SCFD2: variants seen among roughly 807,000 people sequenced by gnomAD.
SCFD2 encodes sec1 family domain containing 2, also known as sec1 family domain-containing protein 2.
A neutral mutation model predicts 58.9 loss-of-function variants in SCFD2; 54 were observed. The observed-to-expected ratio is 0.92, with a 90% confidence interval of 0.74 to 1.15. The LOEUF is 1.15. Ranked by LOEUF, SCFD2 falls within the 50% of genes most tolerant of loss-of-function variation. The pLI, the probability that SCFD2 is intolerant of heterozygous loss-of-function variation, is 0.00. For synonymous variants in SCFD2, 321 were observed against 335.9 expected (o/e 0.96, Z 0.49); for missense variants, 805 against 836.6 (o/e 0.96, Z 0.47).
At chr4:53,349,879 C>T (rs1415087458) in intron 2 of SCFD2, among the ~76,000 whole-genome samples, 2 of 152,084 alleles carry the variant, frequency 1.3e-5, no homozygotes, top group Non-Finnish European at 2.9e-5. Context: ...GTGGAAGTGG[C>T]ACAGGGTAAT....
intron 5 of SCFD2, among the ~76,000 whole-genome samples, chr4:53,069,932 A>G (rs141956119): frequency 4.6e-5 from 7 of 152,180 alleles, no homozygotes; most frequent in African/African-American, 1.7e-4. Flanking sequence ...ATATTTTTAT[A>G]GCTTCATAAT....
intron 5 of SCFD2, among the ~76,000 whole-genome samples, chr4:53,116,066 G>A (rs189929976): frequency 2.0e-5 from 3 of 152,222 alleles, no homozygotes; most frequent in Admixed American, 2.0e-4. Context: ...CACAGGATTC[G>A]TTCAGAAATT....
At chr4:53,263,371 G>C (rs1444463025) in intron 4 of SCFD2, among the ~76,000 whole-genome samples, 1 of 152,060 alleles carries the variant, frequency 6.6e-6, no homozygotes, top group East Asian at 1.9e-4. Context: ...TTCTCATTTA[G>C]GTAAACTATG....
At chr4:53,261,107 G>A (rs9999144) in intron 4 of SCFD2, among the ~76,000 whole-genome samples, 30,504 of 151,926 alleles carry the variant, frequency 0.2, 3,322 homozygotes, top group Non-Finnish European at 0.26. Context: ...TATTTGGATC[G>A]TCTTTCTTCT....
At position 53,227,734 on chromosome 4, in the gene SCFD2, C is replaced by T. The variant is rs150754694; in HGVS notation, c.1311+46092G>A. ...AAATACTGGAGGGGAGTGCTCCAAACGAAATTCCAGGGTATATATTTATTC... is the reference window on the plus strand; with the variant it reads ...AAATACTGGAGGGGAGTGCTCCAAATGAAATTCCAGGGTATATATTTATTC... On this transcript the variant is annotated intron_variant, in intron 4 of 8. Transcript: ENST00000401642. Among the ~76,000 whole-genome samples, 444 of 151,962 alleles carry T rather than the reference C, an allele frequency of 2.9e-3. 1 individual carries two copies. The highest frequency in any genetic ancestry group is 0.01 in the African/African-American group (417 of 41,442).
rs1454785261 is a variant in SCFD2 at position 53,255,873 on chromosome 4, G to A, written c.1311+17953C>T. 3.2e-3 allele frequency among the ~76,000 whole-genome samples: 459 copies of A among 145,502 alleles called. 2 individuals carry two copies. Among genetic ancestry groups the A allele is most frequent in the Non-Finnish European group, 5.5e-3 (362 of 65,524 alleles). ...CCCCCACCTCCATCCCGGACGGGGC[G>A]GCTGGCCGGGCAGAGGGGCTCCTCA... On this transcript the variant is annotated intron_variant, in intron 4 of 8. Transcript: ENST00000401642.
intron 4 of SCFD2, among the ~76,000 whole-genome samples, chr4:53,198,038 T>G (rs1020185932): frequency 1.3e-5 from 2 of 152,050 alleles, no homozygotes; most frequent in Admixed American, 6.6e-5. Context: ...TTCTGGGAGT[T>G]TGCGGACAGG....
At chr4:53,146,935 G>T (rs1174910759) in intron 4 of SCFD2, among the ~76,000 whole-genome samples, 9 of 152,164 alleles carry the variant, frequency 5.9e-5, no homozygotes, top group African/African-American at 2.2e-4. Flanking sequence ...GAATCTACTG[G>T]CAGTCTTGTG....
intron 4 of SCFD2, among the ~76,000 whole-genome samples, chr4:53,216,001 G>C (rs1263002840): frequency 4.6e-5 from 7 of 152,190 alleles, no homozygotes; most frequent in Non-Finnish European, 1.0e-4. Flanking sequence ...AAGCCCACTT[G>C]ATCATGGTGG....
intron 5 of SCFD2, among the ~76,000 whole-genome samples, chr4:53,051,901 T>C (rs1356009861): frequency 6.6e-6 from 1 of 152,112 alleles, no homozygotes; most frequent in Non-Finnish European, 1.5e-5. Flanking sequence ...GATCTGAACA[T>C]ATTAAAAAAT....
At chr4:53,252,099 C>A (rs1366654493) in intron 4 of SCFD2, among the ~76,000 whole-genome samples, 2 of 149,070 alleles carry the variant, frequency 1.3e-5, no homozygotes, top group East Asian at 3.9e-4. Context: ...AACAGACAAA[C>A]AGAGAGCCAA....
At chr4:53,169,473 A>G (rs1291643666) in intron 4 of SCFD2, among the ~76,000 whole-genome samples, 6 of 152,236 alleles carry the variant, frequency 3.9e-5, no homozygotes, top group Non-Finnish European at 7.3e-5. Context: ...GGCTGATTCC[A>G]TAACTTGGCT....
rs186493949 is a variant in SCFD2 at position 53,032,476 on chromosome 4, A to T, written c.1562-111606T>A. On this transcript the variant is annotated intron_variant, in intron 5 of 8. Coordinates refer to ENST00000401642, the MANE Select transcript of SCFD2 (RefSeq NM_152540.4). Reference sequence around the variant, plus strand: ...AAGGTAAATAGGCTAAATGCCCCCAATTAAAAGACATCGACTAGCAAATTG... The same window carrying T: ...AAGGTAAATAGGCTAAATGCCCCCATTTAAAAGACATCGACTAGCAAATTG... Among the ~76,000 whole-genome samples, 301 of 152,344 alleles carry T rather than the reference A, an allele frequency of 2.0e-3. 4 individuals are homozygous for T. The highest frequency in any genetic ancestry group is 0.014 in the Middle Eastern group (4 of 294).
At chr4:53,170,756 G>A (rs534565843) in intron 4 of SCFD2, among the ~76,000 whole-genome samples, 64 of 152,008 alleles carry the variant, frequency 4.2e-4, no homozygotes, top group Non-Finnish European at 4.4e-4. Flanking sequence ...CACATTCTTG[G>A]ATAAAATTAT....
intron 6 of SCFD2, among the ~76,000 whole-genome samples, chr4:52,912,617 G>C (rs1319003982): frequency 2.6e-5 from 4 of 152,118 alleles, no homozygotes; most frequent in Non-Finnish European, 5.9e-5. Flanking sequence ...GACTTTCTCA[G>C]GCACGAAACA....
chr4:53,256,219 C>T (rs1730622060), intron 4 of SCFD2, among the ~76,000 whole-genome samples: 1 of 150,378 alleles, frequency 6.6e-6, no homozygotes, highest in Admixed American at 6.6e-5. Context: ...AGGGCAGTTG[C>T]CAGGCAGAGG....
chr4:53,152,932 C>A (rs1726555670), intron 4 of SCFD2, among the ~76,000 whole-genome samples: 1 of 152,214 alleles, frequency 6.6e-6, no homozygotes. Flanking sequence ...CTCTATGTCT[C>A]ACATCCTGGG....
chr4:53,280,012 C>T (rs1047240135), intron 3 of SCFD2, among the ~76,000 whole-genome samples: 2 of 152,176 alleles, frequency 1.3e-5, no homozygotes, highest in African/African-American at 4.8e-5. Flanking sequence ...AAAGCCTAAC[C>T]ACATCAGAAG....
chr4:53,193,450 C>T (rs1394599831), intron 4 of SCFD2, among the ~76,000 whole-genome samples: 1 of 152,200 alleles, frequency 6.6e-6, no homozygotes, highest in African/African-American at 2.4e-5. Flanking sequence ...CGTGTCACTA[C>T]ATCCATCACT....
Sources: allele counts gnomAD v4.1 joint callset (sites outside exome capture counted in the v4.1 genomes callset), GRCh38; gene constraint gnomAD v4.1.1; transcripts MANE v1.5; gene names NCBI Gene and HGNC (gene_info 2026-07-23, HGNC 2026-07-21).